The following PSMB1 variants were observed in gnomAD, a reference collection of about 807,000 sequenced individuals.
PSMB1 encodes the protein proteasome 20S subunit beta 1, also known as proteasome subunit beta type-1.
Under a neutral mutation model 25.4 loss-of-function variants are expected in PSMB1, and 7 were observed. The observed-to-expected ratio is 0.28, with a 90% CI of 0.16 to 0.52. The LOEUF is 0.52. PSMB1 is among the 20% of genes least tolerant of loss of function. The pLI is 0.97. For missense variants in PSMB1, 284 were observed against 302.2 expected, an observed-to-expected ratio of 0.94 and a Z score of 0.45; for synonymous variants, 119 against 115.0, an observed-to-expected ratio of 1.03 and a Z score of -0.22.
At chr6:170,538,383 C>T (rs1583112749) in intron 4 of PSMB1, among the ~76,000 whole-genome samples, 1 of 152,288 alleles carries the variant, frequency 6.6e-6, no homozygotes, top group African/African-American at 2.4e-5. Flanking sequence ...CCACTGTTAG[C>T]TTTGTATGTT....
intron 3 of PSMB1, among the ~76,000 whole-genome samples, chr6:170,544,341 A>G (rs1778791075): frequency 6.6e-6 from 1 of 152,210 alleles, no homozygotes; most frequent in African/African-American, 2.4e-5. Flanking sequence ...TTTAATACAC[A>G]GCAGTGGTCG....
chr6:170,549,133 A>G lies in PSMB1; in HGVS notation c.114-20T>C, dbSNP rs951141684. On this transcript the variant is annotated intron_variant, in intron 1 of 5. Coordinates refer to ENST00000262193, the MANE Select transcript of PSMB1 (RefSeq NM_002793.4). ...ATAGTACTGAGGAAAAAAGAAAAAA[A>G]TTAATTCTCCAGGGTGGTAATCCTA... 1.2e-5 allele frequency: 18 copies of G among 1,463,546 alleles called. No homozygotes were observed. The highest frequency in any genetic ancestry group is 1.4e-5 in the Non-Finnish European group (15 of 1,046,348). 90.7% of individuals were successfully genotyped at this position (1,463,546 alleles called of 1,614,324 possible). A position where few individuals can be genotyped will look rare whatever the true frequency, so the allele number is the denominator to read the frequency against.
At chr6:170,536,391 A>C in intron 5 of PSMB1, 2 of 450,572 alleles carry the variant, frequency 4.4e-6, no homozygotes, top group Non-Finnish European at 8.9e-6. Context: ...ATTATTATAA[A>C]CCTTAAATAA....
At chr6:170,544,383 A>G (rs999034226) in intron 3 of PSMB1, among the ~76,000 whole-genome samples, 1 of 152,182 alleles carries the variant, frequency 6.6e-6, no homozygotes, top group Non-Finnish European at 1.5e-5. Context: ...TAGAGAACAC[A>G]AGCATCCAAA....
intron 2 of PSMB1, among the ~76,000 whole-genome samples, chr6:170,546,968 T>C (rs1190652877): frequency 5.3e-5 from 8 of 152,178 alleles, no homozygotes; most frequent in African/African-American, 1.9e-4. Context: ...AAAGGAAAGA[T>C]GGGTAACTTC....
intron 3 of PSMB1, 123 bp downstream of exon 3, chr6:170,545,980 G>T (rs1778811900): frequency 2.6e-6 from 2 of 757,976 alleles, no homozygotes; most frequent in Non-Finnish European, 4.3e-6. Flanking sequence ...GCATACATTT[G>T]TAATTCATCT....
intron 1 of PSMB1, among the ~76,000 whole-genome samples, chr6:170,551,431 C>G (rs1186891431): frequency 6.6e-6 from 1 of 151,952 alleles, no homozygotes; most frequent in Non-Finnish European, 1.5e-5. Context: ...TTTGCGGAAG[C>G]GAAGGCTGCC....
Position 170,549,126 on chromosome 6 carries a change from G to A in PSMB1, c.114-13C>T. 2.0e-6 allele frequency: 3 copies of A among 1,521,876 alleles called. No individual in the cohort carries two copies. Among genetic ancestry groups the A allele is most frequent in the Admixed American group, 1.7e-5 (1 of 59,208 alleles). The allele number at this position is 1,521,876 out of a possible 1,614,324, so 94.3% of individuals were successfully genotyped here. A position where few individuals can be genotyped will look rare whatever the true frequency, so the allele number is the denominator to read the frequency against. ...TGCCAGTATAGTACTGAGGAAAAAA[G>A]AAAAAAATTAATTCTCCAGGGTGGT... is the stretch of plus-strand genomic sequence containing the variant. On this transcript the variant is annotated splice_polypyrimidine_tract_variant and intron_variant, in intron 1 of 5. Coordinates refer to ENST00000262193, the MANE Select transcript of PSMB1 (RefSeq NM_002793.4).
chr6:170,548,676 A>G (rs1198462678), intron 2 of PSMB1, among the ~76,000 whole-genome samples: 1 of 152,156 alleles, frequency 6.6e-6, no homozygotes, highest in African/African-American at 2.4e-5. Context: ...TCATGAATGG[A>G]CATTATCACA....
intron 3 of PSMB1, among the ~76,000 whole-genome samples, chr6:170,545,658 A>G (rs539560697): frequency 6.6e-6 from 1 of 152,160 alleles, no homozygotes; most frequent in African/African-American, 2.4e-5. Flanking sequence ...CAGCTTATTC[A>G]TTCTTTCGTA....
chr6:170,552,682 CAGA>C (rs1778925776), intron 1 of PSMB1, among the ~76,000 whole-genome samples: 1 of 152,222 alleles, frequency 6.6e-6, no homozygotes, highest in African/African-American at 2.4e-5. Flanking sequence ...TCTAACAACA[CAGA>C]CCAAACAACC....
chr6:170,536,380 G>A (rs1225910832), intron 5 of PSMB1: 4 of 449,068 alleles, frequency 8.9e-6, no homozygotes, highest in African/African-American at 4.0e-5. Context: ...TGTTTAGTGC[G>A]ATTATTATAA....
At chr6:170,542,449 C>T (rs1243442023) in intron 4 of PSMB1, among the ~76,000 whole-genome samples, 3 of 152,186 alleles carry the variant, frequency 2.0e-5, no homozygotes, top group Non-Finnish European at 4.4e-5. Flanking sequence ...ATGTATTCCC[C>T]TGGAGGCTCT....
At chr6:170,545,073 G>A (rs1309566452) in intron 3 of PSMB1, among the ~76,000 whole-genome samples, 1 of 151,836 alleles carries the variant, frequency 6.6e-6, no homozygotes, top group Non-Finnish European at 1.5e-5. Context: ...GAACCCAGGA[G>A]GCAGAGGTTG....
chr6:170,543,478 C>G (rs1778779615), intron 4 of PSMB1, 123 bp downstream of exon 4: 3 of 1,041,906 alleles, frequency 2.9e-6, no homozygotes, highest in South Asian at 4.6e-5. Flanking sequence ...CTTTCATTAT[C>G]AGAAATGAAA....
chr6:170,543,861 G>T (rs1044998135), intron 3 of PSMB1, 131 bp from the exon 4 acceptor site: 1 of 955,446 alleles, frequency 1.0e-6, no homozygotes, highest in Non-Finnish European at 1.5e-6. Context: ...TTTCCTTCAT[G>T]ATCAACCAAC....
intron 4 of PSMB1, among the ~76,000 whole-genome samples, chr6:170,540,425 G>A (rs1778744285): frequency 6.6e-6 from 1 of 151,986 alleles, no homozygotes; most frequent in African/African-American, 2.4e-5. Context: ...TTCTCTTCCT[G>A]TAGTCCCACC....
chr6:170,538,857 AAG>A (rs1304306240), intron 4 of PSMB1, among the ~76,000 whole-genome samples: 2 of 152,260 alleles, frequency 1.3e-5, no homozygotes, highest in African/African-American at 2.4e-5. Flanking sequence ...CAAAAAAAGA[AAG>A]AGATGTAAGG....
chr6:170,540,224 C>T (rs1778742341), intron 4 of PSMB1, among the ~76,000 whole-genome samples: 1 of 152,168 alleles, frequency 6.6e-6, no homozygotes, highest in Admixed American at 6.5e-5. Flanking sequence ...CTCCAGGTCC[C>T]TGCATCCACC....
Sources: gnomAD v4.1 joint callset for allele counts (sites outside exome capture counted in the v4.1 genomes callset) on GRCh38, gnomAD v4.1.1 for gene constraint, MANE v1.5 for transcripts, NCBI Gene and HGNC (gene_info 2026-07-23, HGNC 2026-07-21) for gene names.